Variants in APP observed in about 807,000 individuals in gnomAD.
The protein encoded by APP is amyloid beta precursor protein, also known as amyloid-beta precursor protein.
A neutral mutation model predicts 101.4 loss-of-function variants in APP; 31 were observed. That is an observed-to-expected ratio of 0.31 (90% CI 0.23 to 0.41). APP has a LOEUF of 0.41. APP is among the 10% of genes least tolerant of loss of function. The pLI is 1.00. For missense variants in APP, 839 were observed against 1,003.7 expected (o/e 0.84, Z 2.22); for synonymous variants, 366 against 364.4 (o/e 1.00, Z -0.05).
rs186378056 is a variant in APP at position 25,910,093 on chromosome 21, T to C, written c.1909+1648A>G. On this transcript the variant is annotated intron_variant, in intron 14 of 17. Coordinates refer to ENST00000346798, the MANE Select transcript of APP (RefSeq NM_000484.4). ...ATATTATATTTAGATTTAGTACTAA[T>C]TGCATGTTATAAGGTATATATATTT... Among the ~76,000 whole-genome samples the C allele has an allele frequency of 1.1e-3, 173 of 152,188 alleles. 1 individual carries two copies. Among genetic ancestry groups the C allele is most frequent in the East Asian group, 5.0e-3 (26 of 5,182 alleles).
intron 3 of APP, among the ~76,000 whole-genome samples, chr21:26,055,544 G>A (rs1210733922): frequency 6.6e-6 from 1 of 152,116 alleles, no homozygotes; most frequent in African/African-American, 2.4e-5. Flanking sequence ...GGCTCTCAGG[G>A]TTTCTGAGGT....
chr21:26,169,852 C>G (rs918774685), intron 1 of APP, among the ~76,000 whole-genome samples: 11 of 152,212 alleles, frequency 7.2e-5, no homozygotes, highest in Non-Finnish European at 1.0e-4. Flanking sequence ...GGCTATGGGT[C>G]TCCGACCCCT....
intron 14 of APP, among the ~76,000 whole-genome samples, chr21:25,906,963 C>T (rs946951230): frequency 2.0e-5 from 3 of 152,184 alleles, no homozygotes; most frequent in Non-Finnish European, 4.4e-5. Context: ...GGTAGTCCCA[C>T]GGGCCACTGC....
At chr21:25,953,604 T>G (rs1236498012) in intron 13 of APP, among the ~76,000 whole-genome samples, 1 of 152,188 alleles carries the variant, frequency 6.6e-6, no homozygotes, top group Non-Finnish European at 1.5e-5. Flanking sequence ...TGCTTATATG[T>G]TGGTAGACTA....
chr21:26,166,368 G>A (rs1370349925), intron 1 of APP, among the ~76,000 whole-genome samples: 1 of 152,158 alleles, frequency 6.6e-6, no homozygotes, highest in Non-Finnish European at 1.5e-5. Flanking sequence ...GGGTGACAGC[G>A]TTTCCAAGGG....
chr21:26,144,785 A>G (rs1040866350), intron 1 of APP, among the ~76,000 whole-genome samples: 10 of 152,202 alleles, frequency 6.6e-5, no homozygotes, highest in African/African-American at 2.4e-4. Context: ...CAACTTGAAA[A>G]ATGATATTAC....
At chr21:26,057,473 CCACA>C (rs71855086) in intron 3 of APP, among the ~76,000 whole-genome samples, 1,918 of 149,134 alleles carry the variant, frequency 0.013, 12 homozygotes, top group Middle Eastern at 0.021. Flanking sequence ...ATGTCACACA[CCACA>C]CACACACACA....
intron 15 of APP, among the ~76,000 whole-genome samples, chr21:25,901,747 C>T (rs1009896181): frequency 6.6e-6 from 1 of 152,104 alleles, no homozygotes; most frequent in Non-Finnish European, 1.5e-5. Flanking sequence ...GCTCTCTCTT[C>T]CTGTAAGTCA....
At chr21:26,016,953 G>T (rs1378072999) in intron 6 of APP, among the ~76,000 whole-genome samples, 7 of 130,964 alleles carry the variant, frequency 5.3e-5, no homozygotes, top group Admixed American at 1.5e-4. Context: ...GCGGGGGGCG[G>T]GGGGTGCCGC....
At chr21:25,912,480 T>G (rs1210001648) in intron 13 of APP, among the ~76,000 whole-genome samples, 5 of 152,230 alleles carry the variant, frequency 3.3e-5, no homozygotes, top group Non-Finnish European at 5.9e-5. Context: ...TCTTGAATAG[T>G]TTTCACTGTC....
At chr21:25,994,006 C>G (rs1415836688) in intron 8 of APP, among the ~76,000 whole-genome samples, 1 of 152,232 alleles carries the variant, frequency 6.6e-6, no homozygotes, top group African/African-American at 2.4e-5. Flanking sequence ...ATGGGACACA[C>G]TTTGGCCAGA....
At chr21:26,021,806 G>C (rs199713706) in intron 6 of APP, 34 bp downstream of exon 6, 7 of 1,608,680 alleles carry the variant, frequency 4.4e-6, no homozygotes, top group South Asian at 2.2e-5. Context: ...CTTTTCCTTG[G>C]GGGTGGGGGG....
At chr21:26,106,843 T>C (rs1423411792) in intron 2 of APP, among the ~76,000 whole-genome samples, 2 of 152,340 alleles carry the variant, frequency 1.3e-5, no homozygotes, top group East Asian at 3.9e-4. Context: ...GACTCACCAT[T>C]GACCCACGTT....
At chr21:25,957,444 G>C (rs960237274) in intron 11 of APP, among the ~76,000 whole-genome samples, 3 of 152,178 alleles carry the variant, frequency 2.0e-5, no homozygotes, top group African/African-American at 7.2e-5. Context: ...AGAGTTGTGT[G>C]ATCAGGATCT....
intron 2 of APP, among the ~76,000 whole-genome samples, chr21:26,094,415 C>T (rs1443845658): frequency 6.6e-6 from 1 of 151,182 alleles, no homozygotes; most frequent in African/African-American, 2.4e-5. Flanking sequence ...AAGCAAACAA[C>T]GAAACAAAAC....
rs201874897 is a variant in APP, at chr21:25,911,879, C to T, written c.1771G>A (p.Asp591Asn). Reference sequence around the variant, plus strand: ...TCGGTCAAAGATGGCATGAGAGCATCGTTTCCGTAACTGATCCTTGGTTCA... The same window carrying T: ...TCGGTCAAAGATGGCATGAGAGCATTGTTTCCGTAACTGATCCTTGGTTCA... ...ISEPRISYGN[D>N]ALMPSLTETK... Residue 591 changes from aspartate to asparagine, a missense_variant, in exon 14 of 18, where the codon GAT (aspartate) becomes AAT (asparagine). Physicochemically the swap from Asp to Asn is conservative, Grantham distance 23. Transcript: ENST00000346798. 5.0e-6 allele frequency: 8 copies of T among 1,614,154 alleles called. No homozygotes were observed. Among genetic ancestry groups the T allele is most frequent in the African/African-American group, 2.7e-5 (2 of 75,026 alleles).
In APP at chr21:26,090,032, T is replaced by C; in HGVS notation, c.266A>G (p.Asn89Ser). The change falls in exon 3 of 18, where the codon AAC (asparagine) becomes AGC (serine). Residue 89 changes from asparagine to serine, a missense_variant. Physicochemically the swap from Asn to Ser is conservative, Grantham distance 46. Transcript: ENST00000346798. ...CCAGTTCTGGATGGTCACTGGTTGG[T>C]TGGCTTCTACCACATTGGTGATCTG... ...ELQITNVVEA[N>S]QPVTIQNWCK... 1 of 1,614,196 alleles carries C rather than the reference T, an allele frequency of 6.2e-7. No individual in the cohort carries two copies. Among genetic ancestry groups the C allele is most frequent in the Non-Finnish European group, 8.5e-7 (1 of 1,180,026 alleles).
intron 1 of APP, among the ~76,000 whole-genome samples, chr21:26,117,495 G>A (rs1162770421): frequency 6.6e-6 from 1 of 152,148 alleles, no homozygotes; most frequent in Non-Finnish European, 1.5e-5. Context: ...ATTAAAATCA[G>A]AATCACAAAA....
chr21:26,077,385 T>C (rs992437606), intron 3 of APP, among the ~76,000 whole-genome samples: 3 of 152,208 alleles, frequency 2.0e-5, no homozygotes, highest in African/African-American at 7.2e-5. Flanking sequence ...GGCATCTGTA[T>C]TGTGAGTCTG....
Sources: allele counts gnomAD v4.1 joint callset (sites outside exome capture counted in the v4.1 genomes callset), GRCh38; gene constraint gnomAD v4.1.1; transcripts MANE v1.5; gene names NCBI Gene and HGNC (gene_info 2026-07-23, HGNC 2026-07-21).